The following OPCML variants were observed in gnomAD, a reference collection of about 807,000 sequenced individuals.
OPCML encodes the protein opioid binding protein/cell adhesion molecule like.
A neutral mutation model predicts 37.8 loss-of-function variants in OPCML; 13 were observed. The observed-to-expected ratio is 0.34, with a 90% CI of 0.22 to 0.55. The LOEUF (loss-of-function observed/expected upper bound fraction) is 0.55. OPCML is among the 20% of genes least tolerant of loss of function. OPCML has a pLI of 0.91. For synonymous variants in OPCML, 176 were observed against 168.8 expected (o/e 1.04, Z -0.33); for missense variants, 341 against 435.6 (o/e 0.78, Z 1.93).
intron 4 of OPCML, among the ~76,000 whole-genome samples, chr11:132,527,436 T>C (rs980360690): frequency 1.3e-5 from 2 of 152,188 alleles, no homozygotes; most frequent in Non-Finnish European, 2.9e-5. Flanking sequence ...AGGGATTATA[T>C]AACGGTATCT....
intron 1 of OPCML, among the ~76,000 whole-genome samples, chr11:133,344,443 C>G (rs541112689): frequency 1.6e-3 from 243 of 152,304 alleles, no homozygotes; most frequent in Non-Finnish European, 2.8e-3. Flanking sequence ...CCCACTGCCC[C>G]TCTCCCAGCC....
At chr11:132,990,152 C>G (rs771105588) in intron 1 of OPCML, among the ~76,000 whole-genome samples, 1 of 152,142 alleles carries the variant, frequency 6.6e-6, no homozygotes, top group Non-Finnish European at 1.5e-5. Flanking sequence ...TGAAAGCAGG[C>G]GGGGTCATTC....
rs545660871 is a variant in OPCML at position 132,905,169 on chromosome 11, C to T, written c.146+37757G>A. Reference sequence around the variant, plus strand: ...AATGAGGCTCAGCTGTGTTATAGAACTTGCCCAGTGTCTATCTCACAGATC... The same window carrying T: ...AATGAGGCTCAGCTGTGTTATAGAATTTGCCCAGTGTCTATCTCACAGATC... On this transcript the variant is annotated intron_variant, in intron 2 of 7. Coordinates refer to ENST00000524381, the MANE Select transcript of OPCML (RefSeq NM_001012393.5). Among the ~76,000 whole-genome samples, 65 of 150,266 alleles carry T rather than the reference C, an allele frequency of 4.3e-4. 4 individuals are homozygous for T. The South Asian group carries it at 0.013, about 31-fold the overall frequency.
intron 2 of OPCML, among the ~76,000 whole-genome samples, chr11:132,919,823 A>T (rs1297101897): frequency 6.6e-6 from 1 of 152,258 alleles, no homozygotes; most frequent in Non-Finnish European, 1.5e-5. Flanking sequence ...CTCAAAGAAC[A>T]TTTGTAGAAA....
At chr11:133,061,278 C>A (rs1413603110) in intron 1 of OPCML, among the ~76,000 whole-genome samples, 2 of 152,350 alleles carry the variant, frequency 1.3e-5, no homozygotes, top group African/African-American at 4.8e-5. Flanking sequence ...AGCTGGGGAA[C>A]TATTGGCAGA....
chr11:132,723,797 A>T (rs1359125943), intron 2 of OPCML, among the ~76,000 whole-genome samples: 1 of 152,180 alleles, frequency 6.6e-6, no homozygotes, highest in East Asian at 1.9e-4. Context: ...GGTGGACACA[A>T]TTTATGAAAT....
At chr11:133,320,869 C>T (rs1403476457) in intron 1 of OPCML, among the ~76,000 whole-genome samples, 1 of 152,166 alleles carries the variant, frequency 6.6e-6, no homozygotes, top group Non-Finnish European at 1.5e-5. Context: ...CGCAAGTCTG[C>T]TCAATACGCA....
At chr11:133,341,568 C>T (rs965601582) in intron 1 of OPCML, among the ~76,000 whole-genome samples, 2 of 152,156 alleles carry the variant, frequency 1.3e-5, no homozygotes, top group Non-Finnish European at 2.9e-5. Flanking sequence ...TAGGCAATCC[C>T]AAAATGTTTC....
intron 1 of OPCML, among the ~76,000 whole-genome samples, chr11:133,125,706 AG>A (rs1949494918): frequency 3.2e-5 from 1 of 31,498 alleles, no homozygotes. Flanking sequence ...GTATATATAT[AG>A]TGTATATATA....
At chr11:133,201,080 G>A (rs1938763345) in intron 1 of OPCML, among the ~76,000 whole-genome samples, 1 of 152,096 alleles carries the variant, frequency 6.6e-6, no homozygotes, top group South Asian at 2.1e-4. Flanking sequence ...GATAAACATT[G>A]AGTACATATG....
chr11:132,433,981 G>C (rs969990528), intron 7 of OPCML, among the ~76,000 whole-genome samples: 1 of 152,184 alleles, frequency 6.6e-6, no homozygotes, highest in Admixed American at 6.5e-5. Context: ...GGTATACACT[G>C]GTTGTTGTTA....
At chr11:132,672,970 C>A (rs556300644) in intron 2 of OPCML, among the ~76,000 whole-genome samples, 8 of 152,216 alleles carry the variant, frequency 5.3e-5, no homozygotes, top group African/African-American at 1.9e-4. Flanking sequence ...GATTTTGCTT[C>A]TCTAAGAAAT....
intron 2 of OPCML, among the ~76,000 whole-genome samples, chr11:132,671,783 T>C (rs74344856): frequency 0.015 from 2,347 of 151,440 alleles, 42 homozygotes; most frequent in Middle Eastern, 0.058. Context: ...TTCCTTATCA[T>C]GGATTTTAAA....
intron 3 of OPCML, among the ~76,000 whole-genome samples, chr11:132,576,018 T>C (rs577217209): frequency 6.6e-6 from 1 of 152,236 alleles, no homozygotes; most frequent in South Asian, 2.1e-4. Context: ...TGTAACCAGT[T>C]GTTTTTTACA....
At chr11:132,444,710 A>T (rs1449403982) in intron 4 of OPCML, among the ~76,000 whole-genome samples, 1 of 151,122 alleles carries the variant, frequency 6.6e-6, no homozygotes, top group African/African-American at 2.4e-5. Context: ...TCTGCCCCAC[A>T]TTTTCTGTCC....
intron 1 of OPCML, among the ~76,000 whole-genome samples, chr11:133,413,115 G>A (rs4598680): frequency 0.16 from 24,159 of 152,122 alleles, 2,042 homozygotes; most frequent in African/African-American, 0.18. Flanking sequence ...GGATGGTGGG[G>A]ATGTGGAGGG....
intron 1 of OPCML, among the ~76,000 whole-genome samples, chr11:133,155,190 G>A (rs1257443404): frequency 6.6e-6 from 1 of 152,138 alleles, no homozygotes; most frequent in Non-Finnish European, 1.5e-5. Flanking sequence ...CTCCATCCCT[G>A]CTTTCATTTT....
intron 4 of OPCML, among the ~76,000 whole-genome samples, chr11:132,452,082 T>C (rs1464294477): frequency 6.6e-6 from 1 of 152,084 alleles, no homozygotes. Flanking sequence ...CTCAAAGCTG[T>C]AGAAGAATGG....
At chr11:132,795,950 G>GT (rs1416758114) in intron 2 of OPCML, among the ~76,000 whole-genome samples, 3 of 152,144 alleles carry the variant, frequency 2.0e-5, no homozygotes, top group East Asian at 1.9e-4. Flanking sequence ...TGGAAAACAT[G>GT]TTTTTTAATT....
Sources: gnomAD v4.1 joint callset for allele counts (sites outside exome capture counted in the v4.1 genomes callset) on GRCh38, gnomAD v4.1.1 for gene constraint, MANE v1.5 for transcripts, NCBI Gene and HGNC (gene_info 2026-07-23, HGNC 2026-07-21) for gene names.